MDGA2: variants seen among roughly 807,000 people sequenced by gnomAD.
MDGA2 encodes the protein MAM domain containing glycosylphosphatidylinositol anchor 2, also known as MAM domain-containing glycosylphosphatidylinositol anchor protein 2.
In MDGA2, 40 loss-of-function variants were observed where a neutral mutation model predicts 117.8. The ratio of observed to expected loss-of-function variants is 0.34; its 90% confidence interval spans 0.26 to 0.44. The LOEUF is 0.44. Ranked by LOEUF, MDGA2 falls within the 20% of genes least tolerant of loss-of-function variation. The pLI, the probability that MDGA2 is intolerant of heterozygous loss-of-function variation, is 1.00. For synonymous variants in MDGA2, 452 were observed against 439.0 expected, an observed-to-expected ratio of 1.03 and a Z score of -0.37; for missense variants, 1,123 against 1,250.6, an observed-to-expected ratio of 0.90 and a Z score of 1.54.
chr14:47,405,493 T>C (rs1053058417), intron 1 of MDGA2, among the ~76,000 whole-genome samples: 2 of 152,174 alleles, frequency 1.3e-5, no homozygotes, highest in Admixed American at 1.3e-4. Context: ...TTCTCGAAGA[T>C]AAGGGGAGTA....
intron 1 of MDGA2, among the ~76,000 whole-genome samples, chr14:47,506,910 G>T (rs989991794): frequency 1.3e-5 from 2 of 151,870 alleles, no homozygotes; most frequent in Non-Finnish European, 2.9e-5. Context: ...TATGGCTCTG[G>T]ATGCCAGCGT....
At chr14:47,324,049 T>TCCTGGCTAACACAGTGAAAC (rs1160046072) in intron 1 of MDGA2, among the ~76,000 whole-genome samples, 1 of 151,980 alleles carries the variant, frequency 6.6e-6, no homozygotes, top group African/African-American at 2.4e-5. Flanking sequence ...ACTGAGACCA[T>TCCTGGCTAACACAGTGAAAC]CCTGGCTAAC....
intron 1 of MDGA2, among the ~76,000 whole-genome samples, chr14:47,570,877 A>C (rs1009522196): frequency 4.6e-5 from 7 of 152,208 alleles, no homozygotes; most frequent in Non-Finnish European, 5.9e-5. Flanking sequence ...TACAAAAGCA[A>C]TGGGAACAAA....
intron 1 of MDGA2, among the ~76,000 whole-genome samples, chr14:47,390,102 ACT>A (rs777809287): frequency 4.3e-4 from 66 of 152,216 alleles, no homozygotes; most frequent in Non-Finnish European, 8.4e-4. Flanking sequence ...GGTGTTGATC[ACT>A]CTCAATTTAA....
At chr14:46,945,216 A>G (rs1270881212) in intron 9 of MDGA2, among the ~76,000 whole-genome samples, 1 of 152,120 alleles carries the variant, frequency 6.6e-6, no homozygotes. Flanking sequence ...GGATGTTCCT[A>G]AACTCTTCTA....
intron 1 of MDGA2, among the ~76,000 whole-genome samples, chr14:47,479,742 A>G (rs1396383694): frequency 1.3e-5 from 2 of 151,722 alleles, no homozygotes; most frequent in South Asian, 2.1e-4. Flanking sequence ...ATATCTGATG[A>G]GTAAGGAAAA....
At chr14:47,393,024 A>C (rs538737820) in intron 1 of MDGA2, among the ~76,000 whole-genome samples, 35 of 151,814 alleles carry the variant, frequency 2.3e-4, no homozygotes, top group Non-Finnish European at 4.6e-4. Context: ...AATCTTCCAA[A>C]GTCTTAAAAA....
At chr14:46,872,077 A>G (rs1882026806) in intron 14 of MDGA2, 1 of 153,822 alleles carries the variant, frequency 6.5e-6, no homozygotes. Flanking sequence ...ACTGTTGGGT[A>G]TGAGTTTGAA....
At chr14:47,021,638 A>G (rs1335658283) in intron 8 of MDGA2, among the ~76,000 whole-genome samples, 1 of 152,008 alleles carries the variant, frequency 6.6e-6, no homozygotes, top group African/African-American at 2.4e-5. Context: ...TGCAGTTTCT[A>G]GGAGATTTCT....
chr14:47,260,699 G>A (rs1008803542), intron 2 of MDGA2, among the ~76,000 whole-genome samples: 2 of 152,046 alleles, frequency 1.3e-5, no homozygotes, highest in African/African-American at 4.8e-5. Flanking sequence ...AGAGTTCTCT[G>A]AACATACATT....
intron 1 of MDGA2, among the ~76,000 whole-genome samples, chr14:47,525,789 T>G (rs553045959): frequency 2.6e-5 from 4 of 151,492 alleles, no homozygotes; most frequent in Non-Finnish European, 5.9e-5. Flanking sequence ...TCCAGATGTG[T>G]TTTTTTTCCA....
At chr14:47,553,135 G>A (rs1045883806) in intron 1 of MDGA2, among the ~76,000 whole-genome samples, 7 of 152,148 alleles carry the variant, frequency 4.6e-5, no homozygotes, top group Non-Finnish European at 7.4e-5. Context: ...GTGCCACCTC[G>A]TTGATTTATT....
intron 8 of MDGA2, among the ~76,000 whole-genome samples, chr14:46,961,832 C>T (rs928845198): frequency 4.6e-5 from 7 of 151,884 alleles, no homozygotes; most frequent in East Asian, 3.9e-4. Context: ...TTAGTAGAGA[C>T]GGGGTTTCAC....
intron 1 of MDGA2, among the ~76,000 whole-genome samples, chr14:47,572,878 T>C (rs1012040658): frequency 6.6e-6 from 1 of 152,214 alleles, no homozygotes; most frequent in Non-Finnish European, 1.5e-5. Flanking sequence ...AAACTTCATA[T>C]ATGAAACAAA....
At chr14:46,961,577 T>C (rs1326154655) in intron 8 of MDGA2, among the ~76,000 whole-genome samples, 1 of 152,160 alleles carries the variant, frequency 6.6e-6, no homozygotes, top group Admixed American at 6.5e-5. Flanking sequence ...ATGTTTCCAC[T>C]ACCTGAAAAA....
chr14:47,175,062 A>G (rs1336166837), intron 3 of MDGA2, among the ~76,000 whole-genome samples: 2 of 151,952 alleles, frequency 1.3e-5, no homozygotes, highest in African/African-American at 2.4e-5. Flanking sequence ...AAATGGATAA[A>G]TTCCTCGACA....
intron 10 of MDGA2, among the ~76,000 whole-genome samples, chr14:46,902,464 C>A (rs1034139614): frequency 6.6e-6 from 1 of 151,932 alleles, no homozygotes; most frequent in Non-Finnish European, 1.5e-5. Flanking sequence ...ACATTTCCAG[C>A]ATATATTTGA....
At chr14:47,606,118 ATTAT>A (rs1418329890) in intron 1 of MDGA2, among the ~76,000 whole-genome samples, 2 of 152,184 alleles carry the variant, frequency 1.3e-5, no homozygotes, top group African/African-American at 4.8e-5. Context: ...TGACTTATTT[ATTAT>A]TTATTTCCCT....
At chr14:47,167,961 A>C (rs938497476) in intron 3 of MDGA2, among the ~76,000 whole-genome samples, 2 of 152,172 alleles carry the variant, frequency 1.3e-5, no homozygotes, top group Non-Finnish European at 2.9e-5. Context: ...ATTTGATAAA[A>C]TGTACAACTC....
Sources: gnomAD v4.1 joint callset for allele counts (sites outside exome capture counted in the v4.1 genomes callset) on GRCh38, gnomAD v4.1.1 for gene constraint, MANE v1.5 for transcripts, NCBI Gene and HGNC (gene_info 2026-07-23, HGNC 2026-07-21) for gene names.